The following PKHD1 variants were observed in gnomAD, a reference collection of about 807,000 sequenced individuals.
PKHD1 encodes fibrocystin.
Under a neutral mutation model 412.0 loss-of-function variants are expected in PKHD1, and 291 were observed. That is an observed-to-expected ratio of 0.71 (90% CI 0.64 to 0.78). The LOEUF is 0.78. Ranked by LOEUF, PKHD1 falls within the 30% of genes least tolerant of loss-of-function variation. The pLI is 0.00. For synonymous variants in PKHD1, 1,777 were observed against 1,821.5 expected (o/e 0.98, Z 0.62); for missense variants, 4,825 against 4,950.7 (o/e 0.97, Z 0.76).
At chr6:51,628,466 C>A (rs1767548219) in intron 65 of PKHD1, among the ~76,000 whole-genome samples, 1 of 152,146 alleles carries the variant, frequency 6.6e-6, no homozygotes, top group Non-Finnish European at 1.5e-5. Context: ...TTTCCTTTAT[C>A]CAGTACACTG....
intron 29 of PKHD1, among the ~76,000 whole-genome samples, chr6:52,028,592 G>A (rs1802582411): frequency 6.6e-6 from 1 of 150,644 alleles, no homozygotes; most frequent in Non-Finnish European, 1.5e-5. Context: ...TCTCACTGCA[G>A]CCTCAACCTC....
intron 37 of PKHD1, among the ~76,000 whole-genome samples, chr6:51,932,465 G>A (rs762144390): frequency 2.6e-5 from 4 of 152,126 alleles, no homozygotes; most frequent in Non-Finnish European, 5.9e-5. Context: ...GGGTCCTCTG[G>A]ACGATCTATG....
intron 66 of PKHD1, among the ~76,000 whole-genome samples, chr6:51,625,802 C>T (rs1406300125): frequency 1.3e-5 from 2 of 152,164 alleles, no homozygotes; most frequent in African/African-American, 2.4e-5. Context: ...CAGATGGCAG[C>T]GTTCAAACAC....
chr6:52,070,383 T>C (rs1166807057), intron 10 of PKHD1, 23 bp downstream of exon 10: 1 of 1,512,416 alleles, frequency 6.6e-7, no homozygotes, highest in Non-Finnish European at 9.2e-7. Context: ...CAAATTTGCC[T>C]ATTTCTATAC....
chr6:52,044,428 A>G (rs1383292321), intron 25 of PKHD1, among the ~76,000 whole-genome samples: 1 of 152,190 alleles, frequency 6.6e-6, no homozygotes, highest in African/African-American at 2.4e-5. Flanking sequence ...GAACACTTCA[A>G]TTTTATCTGT....
intron 61 of PKHD1, among the ~76,000 whole-genome samples, chr6:51,654,756 A>G (rs1018603504): frequency 2.0e-5 from 3 of 152,136 alleles, no homozygotes; most frequent in Non-Finnish European, 2.9e-5. Context: ...ACCATTCAGT[A>G]TACGAAAAAT....
At chr6:51,870,676 A>C (rs548220728) in intron 46 of PKHD1, 37 bp from the exon 47 acceptor site, 2 of 1,532,604 alleles carry the variant, frequency 1.3e-6, no homozygotes, top group East Asian at 2.3e-5. Context: ...AAGCAAAATA[A>C]GAAAACTGGA....
intron 36 of PKHD1, among the ~76,000 whole-genome samples, chr6:51,940,144 A>G (rs1265344720): frequency 6.6e-6 from 1 of 151,500 alleles, no homozygotes. Context: ...ACAGCCCTAG[A>G]CCCTAAAAGG....
chr6:51,890,177 G>C (rs1778887562), intron 43 of PKHD1, among the ~76,000 whole-genome samples: 2 of 152,106 alleles, frequency 1.3e-5, no homozygotes, highest in Non-Finnish European at 2.9e-5. Context: ...AGAAACTGAA[G>C]CTCAGAGATG....
At chr6:52,000,276 A>G (rs548363121) in intron 35 of PKHD1, among the ~76,000 whole-genome samples, 17 of 152,284 alleles carry the variant, frequency 1.1e-4, no homozygotes, top group African/African-American at 3.4e-4. Flanking sequence ...TGGTTCTTCA[A>G]TTACCAAGCC....
At position 51,775,849 on chromosome 6, in the gene PKHD1, CA is replaced by C; in HGVS notation, c.8512del (p.Cys2838ValfsTer4). On this transcript the variant is annotated frameshift_variant, in exon 54 of 67. Transcript: ENST00000371117. LOFTEE classifies it high-confidence loss of function. ...AATATGAATTCCATTCATACGGTCA[CA>C]AAAGACTCCCTCTGAGGCTCTAAGG... ...ILLRASEGVFCDRMNGIHIDP... is the reference protein window; with the variant it reads ...ILLRASEGVFXDRMNGIHIDP... 6.3e-7 allele frequency: 1 copy of C among 1,597,888 alleles called. No individual in the cohort carries two copies. The highest frequency in any genetic ancestry group is 1.3e-5 in the African/African-American group (1 of 74,654).
intron 43 of PKHD1, among the ~76,000 whole-genome samples, chr6:51,888,360 T>G (rs1351384236): frequency 6.6e-6 from 1 of 152,186 alleles, no homozygotes; most frequent in Non-Finnish European, 1.5e-5. Flanking sequence ...TCTTTATAAA[T>G]TCAATGAAGT....
chr6:52,014,700 AGATGGATGGATG>A (rs55925667), intron 34 of PKHD1, among the ~76,000 whole-genome samples: 19,733 of 78,926 alleles, frequency 0.25, 1,968 homozygotes, highest in Middle Eastern at 0.38. Flanking sequence ...TATACTGGAT[AGATGGATGGATG>A]GATGGATGGA....
chr6:51,673,624 C>G (rs1036557616), intron 60 of PKHD1, among the ~76,000 whole-genome samples: 1 of 152,158 alleles, frequency 6.6e-6, no homozygotes, highest in Non-Finnish European at 1.5e-5. Context: ...GTTTCTTTGG[C>G]CTTCAGGGAG....
At chr6:52,069,720 A>C (rs1810313325) in intron 10 of PKHD1, among the ~76,000 whole-genome samples, 193 bp from the exon 11 acceptor site, 1 of 152,224 alleles carries the variant, frequency 6.6e-6, no homozygotes, top group East Asian at 1.9e-4. Context: ...TAAAATTATC[A>C]TATGGGAATA....
intron 55 of PKHD1, among the ~76,000 whole-genome samples, chr6:51,771,117 A>C (rs1790030920): frequency 6.6e-6 from 1 of 152,006 alleles, no homozygotes; most frequent in South Asian, 2.1e-4. Flanking sequence ...ATCCCTTGAA[A>C]TACATCTCTT....
chr6:51,708,199 G>C (rs968208901), intron 60 of PKHD1, among the ~76,000 whole-genome samples: 1 of 152,088 alleles, frequency 6.6e-6, no homozygotes, highest in Admixed American at 6.6e-5. Context: ...GTTGTTTAAG[G>C]AGCAACCTCA....
At chr6:51,671,510 G>A (rs1774971407) in intron 60 of PKHD1, among the ~76,000 whole-genome samples, 1 of 152,136 alleles carries the variant, frequency 6.6e-6, no homozygotes. Flanking sequence ...CCCGTAGCTT[G>A]GAGTAATTTG....
intron 5 of PKHD1, among the ~76,000 whole-genome samples, chr6:52,079,129 T>C (rs553755479): frequency 6.6e-6 from 1 of 152,210 alleles, no homozygotes; most frequent in Non-Finnish European, 1.5e-5. Flanking sequence ...CCGCCAAATC[T>C]CTGCCTTTCA....
Sources: gnomAD v4.1 joint callset for allele counts (sites outside exome capture counted in the v4.1 genomes callset) on GRCh38, gnomAD v4.1.1 for gene constraint, MANE v1.5 for transcripts, NCBI Gene and HGNC (gene_info 2026-07-23, HGNC 2026-07-21) for gene names.